Variants in NCOA6 observed in about 807,000 individuals in gnomAD.
NCOA6 encodes the protein NRC RAP250.
In NCOA6, 49 loss-of-function variants were observed where a neutral mutation model predicts 171.4. The ratio of observed to expected loss-of-function variants is 0.29; its 90% CI spans 0.23 to 0.36. The LOEUF is 0.36. Ranked by LOEUF, NCOA6 falls within the 10% of genes least tolerant of loss-of-function variation. NCOA6 has a pLI of 1.00. For synonymous variants in NCOA6, 910 were observed against 927.5 expected (o/e 0.98, Z 0.34); for missense variants, 2,248 against 2,554.5 (o/e 0.88, Z 2.59).
At chr20:34,720,312 G>A (rs1341900253) in intron 14 of NCOA6, among the ~76,000 whole-genome samples, 1 of 152,186 alleles carries the variant, frequency 6.6e-6, no homozygotes, top group African/African-American at 2.4e-5. Context: ...TTTAAAAAGT[G>A]ATTTGTGGTA....
In NCOA6 at chr20:34,742,994, C is replaced by T. The variant is rs745983109; in HGVS notation, c.3262G>A (p.Val1088Met). The change falls in exon 11 of 15, where the codon GTG (valine) becomes ATG (methionine). Residue 1088 changes from valine (V) to methionine (M), a missense_variant. Coordinates refer to ENST00000359003, the MANE Select transcript of NCOA6 (RefSeq NM_014071.5). ...CTTTGTTTATCAGGTGATGGTGGCACGGAGGCAGGTCCTTGCAGACTGACC... is the reference window on the plus strand; with the variant it reads ...CTTTGTTTATCAGGTGATGGTGGCATGGAGGCAGGTCCTTGCAGACTGACC... ...VMVSLQGPAS[V>M]PPSPDKQRMP... The T allele has an allele frequency of 3.7e-6, 6 of 1,613,436 alleles. No individual in the cohort carries two copies. The highest frequency in any genetic ancestry group is 2.2e-5 in the East Asian group (1 of 44,866).
intron 1 of NCOA6, among the ~76,000 whole-genome samples, chr20:34,808,595 C>T (rs1473565645): frequency 1.3e-5 from 2 of 152,154 alleles, no homozygotes; most frequent in Admixed American, 1.3e-4. Context: ...TGAACCACCA[C>T]GCCTGGCTAA....
intron 1 of NCOA6, chr20:34,819,836 T>TA (rs1470901307): frequency 1.3e-5 from 2 of 152,120 alleles, no homozygotes; most frequent in Admixed American, 1.3e-4. Flanking sequence ...CTATTATCCT[T>TA]AAAGACTGAG....
Position 34,742,028 on chromosome 20 carries a change from C to G in NCOA6, c.4228G>C (p.Gly1410Arg). 1 of 1,614,112 alleles carries G rather than the reference C, an allele frequency of 6.2e-7. No homozygotes were observed. The highest frequency in any genetic ancestry group is 8.5e-7 in the Non-Finnish European group (1 of 1,180,020). ...CTCTCCTTGTTATCCTCAACAACAC[C>G]CCCAACTGCAGCCACAGACACAGTA... ...NSTVSVAAVG[G>R]VVEDNKESLN... is the part of the protein sequence containing the mutation. Residue 1410 changes from glycine to arginine, a missense_variant, in exon 11 of 15, where the codon GGT (glycine) becomes CGT (arginine). Gly to Arg is a moderately radical substitution (Grantham distance 125). Transcript: ENST00000359003.
chr20:34,780,476 C>G (rs1394422096), intron 3 of NCOA6, among the ~76,000 whole-genome samples: 1 of 151,768 alleles, frequency 6.6e-6, no homozygotes, highest in African/African-American at 2.4e-5. Flanking sequence ...CTCAGCCACC[C>G]GAGTAGCTGG....
At chr20:34,816,336 G>A (rs565340824) in intron 1 of NCOA6, among the ~76,000 whole-genome samples, 11 of 152,172 alleles carry the variant, frequency 7.2e-5, no homozygotes, top group African/African-American at 2.4e-4. Context: ...AAACAGAGTC[G>A]CTGCAGAGGT....
intron 1 of NCOA6, among the ~76,000 whole-genome samples, chr20:34,796,003 ATTTTTTTTTT>A (rs569229378): frequency 1.0e-5 from 1 of 95,766 alleles, no homozygotes; most frequent in Non-Finnish European, 2.0e-5. Flanking sequence ...ATATGTTTGA[ATTTTTTTTTT>A]TTTTTTTTTT....
chr20:34,790,944 C>A (rs534266168), intron 2 of NCOA6, among the ~76,000 whole-genome samples: 1 of 152,328 alleles, frequency 6.6e-6, no homozygotes, highest in Admixed American at 6.5e-5. Context: ...AGCCACCGCA[C>A]CCGGTCTAAT....
At chr20:34,812,754 G>A (rs147870049) in intron 1 of NCOA6, among the ~76,000 whole-genome samples, 1 of 152,144 alleles carries the variant, frequency 6.6e-6, no homozygotes, top group Non-Finnish European at 1.5e-5. Flanking sequence ...GGTAGCTCAC[G>A]CCTGTAATCC....
At chr20:34,751,928 G>A (rs1346866256) in intron 8 of NCOA6, among the ~76,000 whole-genome samples, 1 of 152,056 alleles carries the variant, frequency 6.6e-6, no homozygotes, top group East Asian at 1.9e-4. Context: ...TGCAACCTCG[G>A]CTCATTGCAA....
intron 1 of NCOA6, among the ~76,000 whole-genome samples, chr20:34,796,299 C>T (rs536818302): frequency 1.1e-3 from 170 of 151,838 alleles, no homozygotes; most frequent in African/African-American, 3.8e-3. Flanking sequence ...TGTGAGCCAC[C>T]GCACCCGACC....
At chr20:34,737,763 G>C (rs986312697) in intron 11 of NCOA6, among the ~76,000 whole-genome samples, 11 of 152,136 alleles carry the variant, frequency 7.2e-5, no homozygotes, top group African/African-American at 2.4e-4. Flanking sequence ...ACTGAATTTT[G>C]TATATTTCCC....
chr20:34,754,246 A>G (rs1455538970), intron 8 of NCOA6, among the ~76,000 whole-genome samples: 2 of 152,208 alleles, frequency 1.3e-5, no homozygotes, highest in African/African-American at 4.8e-5. Flanking sequence ...TTTGCCAGAA[A>G]TGCCTTTTTG....
At position 34,741,607 on chromosome 20, in the gene NCOA6, G is replaced by A; in HGVS notation, c.4649C>T (p.Pro1550Leu). 1.9e-6 allele frequency: 3 copies of A among 1,614,160 alleles called. No homozygotes were observed. The highest frequency in any genetic ancestry group is 2.2e-5 in the East Asian group (1 of 44,886). The change falls in exon 11 of 15, where the codon CCT becomes CTT. Residue 1550 changes from proline to leucine, a missense_variant. By Grantham distance (98) the Pro-to-Leu change is moderately conservative. Around this residue, in one of 7 missense-constraint regions of NCOA6, gnomAD observed 884 missense variants for 941.9 expected, o/e 0.94. Coordinates refer to ENST00000359003, the MANE Select transcript of NCOA6 (RefSeq NM_014071.5). ...SKEPSNSLNL[P>L]HSNELCSSLV... ...GGATGAACACAGCTCATTACTGTGA[G>A]GTAAGTTTAGGGAATTAGAAGGTTC...
chr20:34,757,861 T>G lies in NCOA6; in HGVS notation c.887A>C (p.Gln296Pro). 1 of 1,614,172 alleles carries G rather than the reference T, an allele frequency of 6.2e-7. No individual in the cohort carries two copies. The change falls in exon 7 of 15, where the codon CAG becomes CCG. Residue 296 changes from glutamine to proline, a missense_variant. Physicochemically the swap from Gln to Pro is moderately conservative, Grantham distance 76. This residue lies in a region of NCOA6 where 987 missense variants were observed against 1,104.7 expected (regional missense o/e 0.89). Coordinates refer to ENST00000359003, the MANE Select transcript of NCOA6 (RefSeq NM_014071.5). ...GGGTCGAATTCCCTGTGGCTGTTGC[T>G]GCTGATGTTGCTGTGGGGGTCTTGC... The part of the protein sequence containing the change: ...LQARPPQQHQ[Q>P]QQPQGIRPQF...
At chr20:34,816,404 A>G (rs1030287006) in intron 1 of NCOA6, among the ~76,000 whole-genome samples, 1 of 152,124 alleles carries the variant, frequency 6.6e-6, no homozygotes, top group Non-Finnish European at 1.5e-5. Flanking sequence ...TAGTGACCTT[A>G]TAAGGGAAAT....
intron 2 of NCOA6, among the ~76,000 whole-genome samples, chr20:34,790,035 G>C (rs2077820166): frequency 6.8e-6 from 1 of 147,104 alleles, no homozygotes; most frequent in South Asian, 2.1e-4. Flanking sequence ...AGGAGTTCGA[G>C]ACCAGCCTGG....
chr20:34,749,986 T>A lies in NCOA6; in HGVS notation c.2209A>T (p.Met737Leu), dbSNP rs764406737. ...QFNTQNQSNV[M>L]PGPAQIMRGP... Reference sequence around the variant, plus strand: ...CTCATTATCTGGGCTGGTCCCGGCATGACATTGGACTGGTTCTGAGTGTTA... The same window carrying A: ...CTCATTATCTGGGCTGGTCCCGGCAAGACATTGGACTGGTTCTGAGTGTTA... The change falls in exon 9 of 15, where the codon ATG (methionine) becomes TTG (leucine). Residue 737 changes from methionine to leucine, a missense_variant. Physicochemically the swap from Met to Leu is conservative, Grantham distance 15. Transcript: ENST00000359003. 2 of 1,614,152 alleles carry A rather than the reference T, an allele frequency of 1.2e-6. No homozygotes were observed. Among genetic ancestry groups the A allele is most frequent in the African/African-American group, 2.7e-5 (2 of 74,952 alleles).
intron 1 of NCOA6, among the ~76,000 whole-genome samples, chr20:34,794,352 G>A (rs1029788199): frequency 6.6e-6 from 1 of 152,112 alleles, no homozygotes; most frequent in African/African-American, 2.4e-5. Context: ...CTTCTGGATA[G>A]CAATCCTACA....
Sources: allele counts gnomAD v4.1 joint callset (sites outside exome capture counted in the v4.1 genomes callset), GRCh38; gene constraint gnomAD v4.1.1; regional missense constraint gnomAD v4.1.1; transcripts MANE v1.5; gene names NCBI Gene and HGNC (gene_info 2026-07-23, HGNC 2026-07-21).